RBM26: variants seen among roughly 807,000 people sequenced by gnomAD.
RBM26 encodes RNA binding motif protein 26, also known as RNA-binding protein 26.
RBM26 carries 30 observed loss-of-function variants against 123.6 expected under a neutral mutation model. The ratio of observed to expected loss-of-function variants is 0.24; its 90% CI spans 0.18 to 0.33. The LOEUF is 0.33. Ranked by LOEUF, RBM26 falls within the 10% of genes least tolerant of loss-of-function variation. The pLI, the probability that RBM26 is intolerant of heterozygous loss-of-function variation, is 1.00. For missense variants in RBM26, 947 were observed against 1,203.6 expected, an observed-to-expected ratio of 0.79 and a Z score of 3.15; for synonymous variants, 400 against 404.4, an observed-to-expected ratio of 0.99 and a Z score of 0.13.
downstream of RBM26, chr13:79,314,616 A>G (rs928505479): frequency 6.6e-6 from 1 of 152,138 alleles, no homozygotes; most frequent in Non-Finnish European, 1.5e-5. Flanking sequence ...TGCTCATGCT[A>G]ATGAACACAG....
chr13:79,330,802 CT>C lies in RBM26; in HGVS notation c.2820+3541del, dbSNP rs1240905686. On this transcript the variant is annotated intron_variant, in intron 20 of 21. Coordinates refer to ENST00000438737, the MANE Select transcript of RBM26 (RefSeq NM_001366735.2). Reference sequence around the variant, plus strand: ...AAGTTACAAAGAAAGACTTCCAATTCTTTAACTCTTGAGTTCAATGCACATG... The same window carrying C: ...AAGTTACAAAGAAAGACTTCCAATTCTTAACTCTTGAGTTCAATGCACATG... Among the ~76,000 whole-genome samples, 3 of 152,236 alleles carry C rather than the reference CT, an allele frequency of 2.0e-5. No homozygotes were observed. In the East Asian group the frequency reaches 5.8e-4, roughly 29 times the overall value.
rs759971013 is a variant in RBM26, at chr13:79,371,900, ACTT to A, written c.355_357del (p.Lys119del). On this transcript the variant is annotated inframe_deletion, in exon 4 of 22. Coordinates refer to ENST00000438737, the MANE Select transcript of RBM26 (RefSeq NM_001366735.2). ...GGACTGTGATTTAGCCTTCTAGAAA[ACTT>A]CTTCTCTCGCTCTTCCTCCTTAGTG... 8.1e-6 allele frequency: 13 copies of A among 1,612,072 alleles called. No individual in the cohort carries two copies. The highest frequency in any genetic ancestry group is 1.6e-4 in the Middle Eastern group (1 of 6,080).
chr13:79,405,250 G>A (rs1398538809), intron 1 of RBM26, among the ~76,000 whole-genome samples: 2 of 152,234 alleles, frequency 1.3e-5, no homozygotes, highest in Non-Finnish European at 2.9e-5. Flanking sequence ...AGATGAGCCA[G>A]ACAGCACATG....
chr13:79,396,843 T>G (rs1359772489), intron 1 of RBM26, among the ~76,000 whole-genome samples: 1 of 152,134 alleles, frequency 6.6e-6, no homozygotes, highest in Non-Finnish European at 1.5e-5. Context: ...ATACACCATA[T>G]TAACAAAAAA....
Position 79,367,472 on chromosome 13 carries a change from G to GTT in RBM26, c.896-602_896-601dup, listed in dbSNP as rs572493587. On this transcript the variant is annotated intron_variant, in intron 6 of 21. Transcript: ENST00000438737. Reference sequence around the variant, plus strand: ...AAAAGAGAGAAATGTGACAAACGATGTTGGAGGTGGGGCCTGGTAGGAGGT... The same window carrying GTT: ...AAAAGAGAGAAATGTGACAAACGATGTTTTGGAGGTGGGGCCTGGTAGGAGGT... 6.8e-5 allele frequency among the ~76,000 whole-genome samples: 10 copies of GTT among 147,610 alleles called. No individual in the cohort carries two copies. The East Asian group carries it at 1.6e-3, about 24-fold the overall frequency.
At chr13:79,327,064 G>A (rs752945296) in intron 20 of RBM26, among the ~76,000 whole-genome samples, 1 of 152,082 alleles carries the variant, frequency 6.6e-6, no homozygotes, top group Non-Finnish European at 1.5e-5. Context: ...GTGAGGCTGA[G>A]ACAGGCAGAT....
Position 79,344,786 on chromosome 13 carries a change from A to G in RBM26, c.2067T>C (p.Ser689=), listed in dbSNP as rs2072030043. The change falls in exon 15 of 22, where the codon TCT becomes TCC. Residue 689 remains serine, a synonymous_variant. Transcript: ENST00000438737. ...CTGTTTTTGTTAGGCCAGTAGATGT[A>G]GACAACACCTACCAATACAAATTCA... ...PSVSATEKVL[S]TSTGLTKTVY... is the part of the protein sequence containing the mutation. 6.2e-7 allele frequency: 1 copy of G among 1,611,598 alleles called. No individual in the cohort carries two copies. The highest frequency in any genetic ancestry group is 8.5e-7 in the Non-Finnish European group (1 of 1,178,976).
chr13:79,313,171 T>C (rs2066945280), exon 5 of RBM26: 1 of 151,878 alleles, frequency 6.6e-6, no homozygotes, highest in Admixed American at 6.6e-5. Context: ...TTATCTACAA[T>C]AGCTCCATGA....
At chr13:79,395,941 CA>C (rs35114111) in intron 1 of RBM26, among the ~76,000 whole-genome samples, 76,589 of 151,686 alleles carry the variant, frequency 0.5, 19,709 homozygotes, top group Middle Eastern at 0.6. Flanking sequence ...ACATAGTGAC[CA>C]ATGAACTTTC....
chr13:79,332,893 A>G (rs1462904977), intron 20 of RBM26, among the ~76,000 whole-genome samples: 2 of 152,200 alleles, frequency 1.3e-5, no homozygotes, highest in Non-Finnish European at 2.9e-5. Context: ...TTTCTCAGCC[A>G]TATAAGCAAG....
intron 3 of RBM26, among the ~76,000 whole-genome samples, chr13:79,373,494 TG>T (rs1164146659): frequency 1.9e-3 from 55 of 29,634 alleles, no homozygotes; most frequent in Non-Finnish European, 2.7e-3. Context: ...ATATATAATA[TG>T]TATAAATATA....
intron 17 of RBM26, among the ~76,000 whole-genome samples, chr13:79,342,214 AC>A (rs1412961775): frequency 6.6e-6 from 1 of 151,696 alleles, no homozygotes; most frequent in African/African-American, 2.4e-5. Flanking sequence ...ACATTGTATA[AC>A]CCTGTTTTTT....
At chr13:79,318,639 T>C (rs2067367439), downstream of RBM26, among the ~76,000 whole-genome samples, 1 of 151,532 alleles carries the variant, frequency 6.6e-6, no homozygotes, top group African/African-American at 2.4e-5. Context: ...CATTTTAAGT[T>C]CTAGGAAAAC....
chr13:79,371,386 T>C (rs955220931), intron 4 of RBM26, among the ~76,000 whole-genome samples: 1 of 152,192 alleles, frequency 6.6e-6, no homozygotes, highest in East Asian at 1.9e-4. Flanking sequence ...TTGGCAACTA[T>C]ACAATTAGGC....
intron 21 of RBM26, 47 bp downstream of exon 21, chr13:79,322,302 G>C (rs2067770298): frequency 8.3e-7 from 1 of 1,208,124 alleles, no homozygotes; most frequent in South Asian, 1.5e-5. Flanking sequence ...TTATATAAAA[G>C]CTATGAACGA....
At chr13:79,312,966 A>G (rs564246636) in exon 5 of RBM26, 7 of 152,068 alleles carry the variant, frequency 4.6e-5, no homozygotes, top group African/African-American at 1.7e-4. Context: ...AAACAAGACC[A>G]AAAATATTCA....
intron 6 of RBM26, among the ~76,000 whole-genome samples, chr13:79,367,157 A>C (rs1345346323): frequency 6.6e-6 from 1 of 152,060 alleles, no homozygotes; most frequent in Non-Finnish European, 1.5e-5. Flanking sequence ...CTGTAATCCC[A>C]GCACTTTGGG....
chr13:79,389,807 A>G (rs1348258253), intron 1 of RBM26, among the ~76,000 whole-genome samples: 1 of 152,198 alleles, frequency 6.6e-6, no homozygotes, highest in Non-Finnish European at 1.5e-5. Flanking sequence ...TCAAGAAAAT[A>G]AGCTTTTTTC....
chr13:79,318,208 T>C (rs2067324330), downstream of RBM26, among the ~76,000 whole-genome samples: 1 of 151,338 alleles, frequency 6.6e-6, no homozygotes, highest in African/African-American at 2.4e-5. Context: ...CAATCTCATG[T>C]TCCACTCCAT....
Sources: gnomAD v4.1 joint callset for allele counts (sites outside exome capture counted in the v4.1 genomes callset) on GRCh38, gnomAD v4.1.1 for gene constraint, MANE v1.5 for transcripts, NCBI Gene and HGNC (gene_info 2026-07-23, HGNC 2026-07-21) for gene names.